CFAP46: variants seen among roughly 807,000 people sequenced by gnomAD.
CFAP46 encodes cilia- and flagella-associated protein 46.
CFAP46 carries 245 observed loss-of-function variants against 325.7 expected under a neutral mutation model. The ratio of observed to expected loss-of-function variants is 0.75; its 90% CI spans 0.68 to 0.84. The LOEUF (loss-of-function observed/expected upper bound fraction) is 0.84, where lower values mean the gene tolerates loss of function less well. Ranked by LOEUF, CFAP46 falls within the 40% of genes least tolerant of loss-of-function variation. CFAP46 has a pLI of 0.00. For synonymous variants in CFAP46, 1,523 were observed against 1,495.9 expected (o/e 1.02, Z -0.42); for missense variants, 3,346 against 3,543.0 (o/e 0.94, Z 1.41).
At chr10:132,814,100 G>A (rs1847639330) in intron 54 of CFAP46, 52 bp downstream of exon 54, 1 of 1,472,910 alleles carries the variant, frequency 6.8e-7, no homozygotes, top group South Asian at 1.1e-5. Context: ...CTCCCCGCTG[G>A]ACCCCCAGAC....
At chr10:132,917,196 C>A (rs1849653655) in intron 16 of CFAP46, among the ~76,000 whole-genome samples, 2 of 152,400 alleles carry the variant, frequency 1.3e-5, no homozygotes, top group South Asian at 4.1e-4. Flanking sequence ...ATGGGCCTGG[C>A]ACCTGGGAGC....
Position 132,912,791 on chromosome 10 carries a change from T to C in CFAP46, c.2363A>G (p.Asn788Ser). The change falls in exon 19 of 58, where the codon AAC (asparagine) becomes AGC (serine). Residue 788 changes from asparagine to serine, a missense_variant. Transcript: ENST00000368586. ...GDPVMLVTLC[N>S]TLARGLIISW... ...GATGATCAGGCCTCGCGCCAAGGTG[T>C]TGCAGAGCGTCACCAGCATCACGGG... The C allele has an allele frequency of 1.3e-6, 2 of 1,549,970 alleles. No individual in the cohort carries two copies. Among genetic ancestry groups the C allele is most frequent in the Non-Finnish European group, 8.7e-7 (1 of 1,146,966 alleles).
rs557936378 is a variant in CFAP46 at position 132,854,313 on chromosome 10, A to T, written c.5575-3008T>A. 7.7e-5 allele frequency among the ~76,000 whole-genome samples: 11 copies of T among 143,122 alleles called. No homozygotes were observed. The South Asian group carries it at 2.4e-3, about 32-fold the overall frequency. The allele number at this position is 143,122 out of a possible 152,430, so 93.9% of individuals were successfully genotyped here. ...CAAATCTTTGGCATTTCGTGCATACATAGCTTTCTGTGTTTTGTTTTGTTT... is the reference window on the plus strand; with the variant it reads ...CAAATCTTTGGCATTTCGTGCATACTTAGCTTTCTGTGTTTTGTTTTGTTT... On this transcript the variant is annotated intron_variant, in intron 39 of 57. Coordinates refer to ENST00000368586, the MANE Select transcript of CFAP46 (RefSeq NM_001200049.3).
intron 50 of CFAP46, among the ~76,000 whole-genome samples, chr10:132,826,736 CA>C (rs1382948169): frequency 6.6e-6 from 1 of 150,874 alleles, no homozygotes; most frequent in Admixed American, 6.6e-5. Flanking sequence ...GCCACGGAGC[CA>C]GGCAGAAGCT....
intron 11 of CFAP46, among the ~76,000 whole-genome samples, chr10:132,923,866 A>G (rs1431046084): frequency 6.6e-6 from 1 of 152,184 alleles, no homozygotes; most frequent in Non-Finnish European, 1.5e-5. Flanking sequence ...GAAATCTTCC[A>G]TTCCTCCAAA....
At chr10:132,911,459 G>A (rs561916571) in intron 19 of CFAP46, among the ~76,000 whole-genome samples, 204 of 152,250 alleles carry the variant, frequency 1.3e-3, no homozygotes, top group African/African-American at 4.6e-3. Context: ...CAGCTCCCCC[G>A]CCCCGTGCCC....
chr10:132,808,550 C>A lies in CFAP46; in HGVS notation c.8019G>T (p.Trp2673Cys). ...TSSSACLCAP[W>C]GLRRGWSCVS... is the part of the protein sequence containing the mutation. ...CGCAGCTCCAGCCCCGACGCAGACC[C>A]CATGGCGCACACAGGCAGGCAGAGC... Residue 2673 changes from tryptophan (W) to cysteine (C), a missense_variant, in exon 58 of 58, where the codon TGG becomes TGT. Transcript: ENST00000368586. The surrounding 1 kb of genome is among the most constrained non-coding windows in gnomAD (Gnocchi z 6.8). 6.2e-7 allele frequency: 1 copy of A among 1,613,018 alleles called. No homozygotes were observed. Among genetic ancestry groups the A allele is most frequent in the Non-Finnish European group, 8.5e-7 (1 of 1,179,948 alleles).
intron 50 of CFAP46, among the ~76,000 whole-genome samples, chr10:132,825,302 A>G (rs562591080): frequency 6.8e-6 from 1 of 146,224 alleles, no homozygotes; most frequent in Admixed American, 6.7e-5. Flanking sequence ...TGCTGTGTGT[A>G]CTGATGTGTG....
intron 54 of CFAP46, 41 bp downstream of exon 54, chr10:132,814,111 C>G: frequency 6.5e-7 from 1 of 1,549,236 alleles, no homozygotes; most frequent in African/African-American, 1.4e-5. Flanking sequence ...ACCCCCAGAC[C>G]TGCCACACTG....
At position 132,880,862 on chromosome 10, in the gene CFAP46, A is replaced by G; in HGVS notation, c.3798T>C (p.Asp1266=). ...GDVPEPQPTP[D]GEYVAVEMPP... is the part of the protein sequence containing the mutation. The stretch of plus-strand genomic sequence containing the variant: ...ACCCTGCCAGCGGCGTGGGCTCACC[A>G]TCCGGCGTGGGCTGTGGCTCAGGGA... The change falls in exon 28 of 58, where the codon GAT becomes GAC. Residue 1266 remains aspartate (D), a splice_region_variant and synonymous_variant. Transcript: ENST00000368586. 1 of 1,546,556 alleles carries G rather than the reference A, an allele frequency of 6.5e-7. No homozygotes were observed. The highest frequency in any genetic ancestry group is 1.4e-5 in the African/African-American group (1 of 73,128).
intron 24 of CFAP46, among the ~76,000 whole-genome samples, chr10:132,893,211 T>C (rs1008381772): frequency 3.3e-5 from 5 of 152,172 alleles, no homozygotes; most frequent in Admixed American, 2.6e-4. Flanking sequence ...ACACTGGGCA[T>C]GCGGCCCCTC....
In CFAP46 at chr10:132,846,052, C is replaced by T. The variant is rs1229269626; in HGVS notation, c.6438+5G>A. On this transcript the variant is annotated splice_donor_5th_base_variant and intron_variant, in intron 44 of 57. Coordinates refer to ENST00000368586, the MANE Select transcript of CFAP46 (RefSeq NM_001200049.3). ...GCAGGTTCAGCGGCATCCGTGCCCG[C>T]TTACCTTGGACACGGCGGCCAGCCT... The T allele has an allele frequency of 3.1e-6, 5 of 1,601,278 alleles. No individual in the cohort carries two copies. Among genetic ancestry groups the T allele is most frequent in the Non-Finnish European group, 4.2e-6 (5 of 1,178,430 alleles).
chr10:132,822,738 AGTGATGTGTG>A (rs1847896742), intron 50 of CFAP46, among the ~76,000 whole-genome samples: 1 of 55,140 alleles, frequency 1.8e-5, no homozygotes, highest in South Asian at 7.1e-4. Context: ...CTGTGTGTGC[AGTGATGTGTG>A]CTGTGTGAGT....
rs368660540 is a variant in CFAP46, at chr10:132,913,267, C to T, written c.2121-9G>A. 29 of 1,549,520 alleles carry T rather than the reference C, an allele frequency of 1.9e-5. No individual in the cohort carries two copies. The highest frequency in any genetic ancestry group is 9.5e-5 in the South Asian group (8 of 84,046). On this transcript the variant is annotated splice_polypyrimidine_tract_variant and intron_variant, in intron 17 of 57. Transcript: ENST00000368586. ...GACTCTCGATCCAGGTTCTGCAAAA[C>T]GAGCACCACCAAGCCCTTAATGCAG...
chr10:132,884,177 TACCCGCGA>T lies in CFAP46; in HGVS notation c.3627+918_3627+925del, dbSNP rs1490969159. 1.3e-5 allele frequency among the ~76,000 whole-genome samples: 2 copies of T among 152,168 alleles called. No individual in the cohort carries two copies. Among genetic ancestry groups the T allele is most frequent in the Admixed American group, 6.5e-5 (1 of 15,284 alleles). On this transcript the variant is annotated intron_variant, in intron 27 of 57. Transcript: ENST00000368586. This position sits in a 1 kb window ranked among gnomAD's most constrained non-coding sequence, Gnocchi z 5.4. ...TGGAGGCAGCCAGGTCCCTGCCTGA[TACCCGCGA>T]ACCCTAGCAGGGCAACTGCCGAGGA...
chr10:132,915,664 T>C (rs1186532284), intron 17 of CFAP46, among the ~76,000 whole-genome samples: 2 of 151,882 alleles, frequency 1.3e-5, no homozygotes, highest in African/African-American at 2.4e-5. Context: ...TTCTGATGCA[T>C]GGATAGTCGG....
chr10:132,913,722 T>C (rs1432708477), intron 17 of CFAP46, among the ~76,000 whole-genome samples: 1 of 151,750 alleles, frequency 6.6e-6, no homozygotes, highest in Non-Finnish European at 1.5e-5. Flanking sequence ...CTAAAGAGAG[T>C]GTGGACTCTT....
chr10:132,872,200 C>T (rs1400766392), intron 32 of CFAP46, among the ~76,000 whole-genome samples: 2 of 152,138 alleles, frequency 1.3e-5, no homozygotes, highest in South Asian at 2.1e-4. Context: ...TTCCTTAAAA[C>T]AAGAATATTC....
Position 132,880,987 on chromosome 10 carries a change from C to T in CFAP46, c.3673G>A (p.Gly1225Ser), listed in dbSNP as rs559155947. The T allele has an allele frequency of 1.8e-5, 28 of 1,550,512 alleles. No individual in the cohort carries two copies. Among genetic ancestry groups the T allele is most frequent in the Middle Eastern group, 1.7e-4 (1 of 5,992 alleles). ...WQKVEYLMEFGQWLHHRHFPL... is the reference protein window; with the variant it reads ...WQKVEYLMEFSQWLHHRHFPL... ...AAGTGTCTGTGATGGAGCCACTGGC[C>T]GAACTCCATGAGGTACTCCACCTTC... The change falls in exon 28 of 58, where the codon GGC becomes AGC. Residue 1225 changes from glycine (G) to serine (S), a missense_variant. By Grantham distance (56) the Gly-to-Ser change is moderately conservative. Transcript: ENST00000368586.
Sources: gnomAD v4.1 joint callset for allele counts (sites outside exome capture counted in the v4.1 genomes callset) on GRCh38, gnomAD v4.1.1 for gene constraint, Gnocchi (gnomAD v3.1) non-coding constraint, MANE v1.5 for transcripts, NCBI Gene and HGNC (gene_info 2026-07-23, HGNC 2026-07-21) for gene names.